NKAIN2: variants seen among roughly 807,000 people sequenced by gnomAD.
The protein encoded by NKAIN2 is sodium/potassium-transporting ATPase subunit beta-1-interacting protein 2.
Under a neutral mutation model 32.6 loss-of-function variants are expected in NKAIN2, and 14 were observed. That is an observed-to-expected ratio of 0.43 (90% confidence interval 0.28 to 0.67). NKAIN2 has a LOEUF of 0.67. Ranked by LOEUF, NKAIN2 falls within the 30% of genes least tolerant of loss-of-function variation. The pLI, the probability that NKAIN2 is intolerant of heterozygous loss-of-function variation, is 0.17. For synonymous variants in NKAIN2, 80 were observed against 87.2 expected (o/e 0.92, Z 0.46); for missense variants, 198 against 258.3 (o/e 0.77, Z 1.60).
intron 1 of NKAIN2, among the ~76,000 whole-genome samples, chr6:124,266,440 G>A (rs780024948): frequency 6.6e-6 from 1 of 151,970 alleles, no homozygotes; most frequent in Non-Finnish European, 1.5e-5. Flanking sequence ...ACCACACCCG[G>A]CTAATTTTTT....
chr6:124,280,137 C>T (rs1365063910), intron 1 of NKAIN2, among the ~76,000 whole-genome samples: 1 of 152,080 alleles, frequency 6.6e-6, no homozygotes, highest in East Asian at 1.9e-4. Context: ...ACATACATTT[C>T]TATGTCAGAT....
At chr6:124,027,141 T>TC (rs1781147426) in intron 1 of NKAIN2, among the ~76,000 whole-genome samples, 2 of 122,594 alleles carry the variant, frequency 1.6e-5, no homozygotes, top group Non-Finnish European at 3.1e-5. Flanking sequence ...TTATCACTCT[T>TC]TTTTTTTTTT....
intron 3 of NKAIN2, among the ~76,000 whole-genome samples, chr6:124,388,021 C>G (rs1033573251): frequency 6.6e-6 from 1 of 152,018 alleles, no homozygotes; most frequent in African/African-American, 2.4e-5. Context: ...GAATAAAGAC[C>G]TGGAATGCTG....
At chr6:124,666,500 A>G (rs1215032645) in intron 4 of NKAIN2, among the ~76,000 whole-genome samples, 1 of 152,208 alleles carries the variant, frequency 6.6e-6, no homozygotes, top group African/African-American at 2.4e-5. Context: ...GCACAAATTT[A>G]ACTTTCCAAT....
intron 1 of NKAIN2, among the ~76,000 whole-genome samples, chr6:124,059,825 A>G (rs1315229215): frequency 6.6e-6 from 1 of 151,508 alleles, no homozygotes; most frequent in Admixed American, 6.6e-5. Context: ...TTTTCCTCCC[A>G]TTTTCACATT....
At chr6:124,374,638 T>A (rs748208032) in intron 3 of NKAIN2, among the ~76,000 whole-genome samples, 3 of 152,162 alleles carry the variant, frequency 2.0e-5, no homozygotes, top group Non-Finnish European at 4.4e-5. Context: ...TAATTTTTCT[T>A]TGTTTTTAAA....
intron 3 of NKAIN2, among the ~76,000 whole-genome samples, chr6:124,504,722 A>G (rs1292075298): frequency 6.6e-6 from 1 of 152,226 alleles, no homozygotes; most frequent in African/African-American, 2.4e-5. Context: ...AAATATTTCT[A>G]CAGTATGTAT....
At chr6:124,595,916 G>T (rs2114970310) in intron 3 of NKAIN2, among the ~76,000 whole-genome samples, 1 of 152,294 alleles carries the variant, frequency 6.6e-6, no homozygotes, top group South Asian at 2.1e-4. Flanking sequence ...AACTGATTTG[G>T]CAGCTGGGGC....
At chr6:124,748,505 T>C (rs1391653685) in intron 4 of NKAIN2, among the ~76,000 whole-genome samples, 3 of 151,978 alleles carry the variant, frequency 2.0e-5, no homozygotes, top group Admixed American at 6.6e-5. Context: ...CACCTGCTTG[T>C]CCCAAAGAGC....
At chr6:124,701,224 AT>A (rs1562332009) in intron 4 of NKAIN2, among the ~76,000 whole-genome samples, 7 of 151,442 alleles carry the variant, frequency 4.6e-5, no homozygotes, top group Non-Finnish European at 8.8e-5. Context: ...TTGGAATTTC[AT>A]TTCTTTTTTT....
chr6:124,243,212 T>C (rs890912318), intron 1 of NKAIN2, among the ~76,000 whole-genome samples: 8 of 151,856 alleles, frequency 5.3e-5, no homozygotes, highest in African/African-American at 1.9e-4. Flanking sequence ...AGATGTTGGT[T>C]GGCTGGGTGT....
chr6:123,955,423 A>G (rs920752249), intron 1 of NKAIN2, among the ~76,000 whole-genome samples: 2 of 151,788 alleles, frequency 1.3e-5, no homozygotes, highest in East Asian at 1.9e-4. Context: ...TTCATGTTCA[A>G]TTGCTTAGAA....
chr6:124,254,226 A>G (rs920090356), intron 1 of NKAIN2, among the ~76,000 whole-genome samples: 3 of 152,204 alleles, frequency 2.0e-5, no homozygotes, highest in Non-Finnish European at 4.4e-5. Context: ...TGCTGGGATT[A>G]CAGGCATGAG....
chr6:124,324,880 C>T (rs536839663), intron 2 of NKAIN2, among the ~76,000 whole-genome samples: 1 of 151,932 alleles, frequency 6.6e-6, no homozygotes, highest in South Asian at 2.1e-4. Flanking sequence ...CTTTTCATCC[C>T]TTGAATAAAC....
At chr6:124,119,855 G>A (rs1194892504) in intron 1 of NKAIN2, among the ~76,000 whole-genome samples, 2 of 152,162 alleles carry the variant, frequency 1.3e-5, no homozygotes, top group African/African-American at 4.8e-5. Flanking sequence ...TTGTCCTGCT[G>A]TGTTGCTTTA....
intron 3 of NKAIN2, among the ~76,000 whole-genome samples, chr6:124,570,563 C>T (rs924769183): frequency 6.6e-6 from 1 of 152,178 alleles, no homozygotes. Flanking sequence ...AAGCCCCAGG[C>T]ATTGGCAGCT....
At chr6:124,528,879 G>GC (rs1779416686) in intron 3 of NKAIN2, among the ~76,000 whole-genome samples, 1 of 152,100 alleles carries the variant, frequency 6.6e-6, no homozygotes, top group South Asian at 2.1e-4. Flanking sequence ...AACTAAGATT[G>GC]CATACTCTTA....
intron 1 of NKAIN2, among the ~76,000 whole-genome samples, chr6:124,058,563 G>A (rs945138294): frequency 6.6e-6 from 1 of 151,972 alleles, no homozygotes; most frequent in South Asian, 2.1e-4. Flanking sequence ...AGGATTTCTG[G>A]GCACATTGCT....
At chr6:123,897,743 C>T (rs1352674601) in intron 1 of NKAIN2, among the ~76,000 whole-genome samples, 1 of 152,026 alleles carries the variant, frequency 6.6e-6, no homozygotes, top group Non-Finnish European at 1.5e-5. Context: ...CTCATAAATA[C>T]CTGTTGATTC....
Sources: gnomAD v4.1 joint callset for allele counts (sites outside exome capture counted in the v4.1 genomes callset) on GRCh38, gnomAD v4.1.1 for gene constraint, MANE v1.5 for transcripts, NCBI Gene and HGNC (gene_info 2026-07-23, HGNC 2026-07-21) for gene names.